C10orf105: variants seen among roughly 807,000 people sequenced by gnomAD.
The protein encoded by C10orf105 is chromosome 10 open reading frame 105.
Under a neutral mutation model 0.6 loss-of-function variants are expected in C10orf105, and 2 were observed. The ratio of observed to expected loss-of-function variants is 3.18; its 90% confidence interval spans 1.30 to 10.01. The LOEUF is 10.01. Among genes scored for constraint, C10orf105 ranks in the 30% most tolerant of loss-of-function variants. The pLI, the probability that C10orf105 is intolerant of heterozygous loss-of-function variation, is 0.04. For synonymous variants in C10orf105, 95 were observed against 82.4 expected (o/e 1.15, Z -0.83); for missense variants, 209 against 191.4 (o/e 1.09, Z -0.54).
chr10:71,712,891 C>T lies in C10orf105; in HGVS notation c.*3045G>A. 1 of 1,520,552 alleles carries T rather than the reference C, an allele frequency of 6.6e-7. No individual in the cohort carries two copies. 94.2% of individuals were successfully genotyped at this position (1,520,552 alleles called of 1,614,324 possible). A position where few individuals can be genotyped will look rare whatever the true frequency, so the allele number is the denominator to read the frequency against. On this transcript the variant is annotated 3_prime_UTR_variant, in exon 2 of 2. Coordinates refer to ENST00000441508, the MANE Select transcript of C10orf105 (RefSeq NM_001164375.3). ...ACACACGGCCCTGAGGGCACATGCT[C>T]AGTGGCACCAGAGGCGGAAGCAGGT...
intron 1 of C10orf105, among the ~76,000 whole-genome samples, chr10:71,736,253 G>A (rs1839561779): frequency 6.6e-6 from 1 of 152,222 alleles, no homozygotes; most frequent in Non-Finnish European, 1.5e-5. Context: ...AGGCTCCCAG[G>A]GGCCGCTGCC....
At chr10:71,732,833 A>T in intron 1 of C10orf105, 1 of 409,712 alleles carries the variant, frequency 2.4e-6, no homozygotes, top group Non-Finnish European at 3.4e-6. Context: ...GCAACCAATT[A>T]TCTGACTCTC....
At chr10:71,729,384 T>A (rs1866960511) in intron 1 of C10orf105, among the ~76,000 whole-genome samples, 1 of 151,916 alleles carries the variant, frequency 6.6e-6, no homozygotes, top group Non-Finnish European at 1.5e-5. Flanking sequence ...GACAGCAAAG[T>A]GTCATGGAGG....
chr10:71,712,473 G>A lies in C10orf105; in HGVS notation c.*3463C>T, dbSNP rs1407073722. On this transcript the variant is annotated 3_prime_UTR_variant, in exon 2 of 2. Coordinates refer to ENST00000441508, the MANE Select transcript of C10orf105 (RefSeq NM_001164375.3). Reference sequence around the variant, plus strand: ...TGGGTTAGAAGAATGGCTGGCACATGGTGTTATCTAAGTATTTGATACTGT... The same window carrying A: ...TGGGTTAGAAGAATGGCTGGCACATAGTGTTATCTAAGTATTTGATACTGT... The A allele has an allele frequency of 1.7e-6, 1 of 594,758 alleles. No homozygotes were observed. The highest frequency in any genetic ancestry group is 3.0e-6 in the Non-Finnish European group (1 of 334,336). 36.8% of individuals were successfully genotyped at this position (594,758 alleles called of 1,614,324 possible). A position where few individuals can be genotyped will look rare whatever the true frequency, so the allele number is the denominator to read the frequency against.
intron 1 of C10orf105, among the ~76,000 whole-genome samples, chr10:71,728,769 A>G (rs971130698): frequency 3.3e-5 from 5 of 152,176 alleles, no homozygotes; most frequent in African/African-American, 9.7e-5. Context: ...CCCAGCATAG[A>G]GCAAAGAGCT....
chr10:71,736,555 G>A (rs1487316733), intron 1 of C10orf105, among the ~76,000 whole-genome samples: 6 of 152,138 alleles, frequency 3.9e-5, no homozygotes, highest in Non-Finnish European at 8.8e-5. Flanking sequence ...TGAGGCCCTG[G>A]GTGAAGACAC....
chr10:71,727,788 A>C (rs1361291885), intron 1 of C10orf105, among the ~76,000 whole-genome samples: 1 of 152,246 alleles, frequency 6.6e-6, no homozygotes, highest in East Asian at 1.9e-4. Flanking sequence ...CTGGACAGGC[A>C]CAGCACTGGA....
intron 1 of C10orf105, chr10:71,717,760 A>C (rs964971604): frequency 3.3e-5 from 5 of 152,230 alleles, no homozygotes; most frequent in Admixed American, 2.0e-4. Context: ...GTTTCCCAAG[A>C]GAAGCCAGAA....
At chr10:71,721,694 C>T (rs7070583), upstream of C10orf105, among the ~76,000 whole-genome samples, 8,249 of 152,258 alleles carry the variant, frequency 0.054, 354 homozygotes, top group African/African-American at 0.11. Context: ...GGATGTGCAT[C>T]GAGGCCAGCG....
Position 71,714,453 on chromosome 10 carries a change from T to C in C10orf105, c.*1483A>G, listed in dbSNP as rs1203263062. ...AGAAGACATAGACAAAAAGGACCCA[T>C]GCTGCCAAGAGAATGTTCCTTTTCC... On this transcript the variant is annotated 3_prime_UTR_variant, in exon 2 of 2. Coordinates refer to ENST00000441508, the MANE Select transcript of C10orf105 (RefSeq NM_001164375.3). The C allele has an allele frequency of 6.6e-6, 1 of 152,208 alleles. No individual in the cohort carries two copies. The highest frequency in any genetic ancestry group is 6.5e-5 in the Admixed American group (1 of 15,280). 9.4% of individuals were successfully genotyped at this position (152,208 alleles called of 1,614,324 possible).
At chr10:71,733,025 A>G (rs1384167022) in intron 1 of C10orf105, among the ~76,000 whole-genome samples, 1 of 152,194 alleles carries the variant, frequency 6.6e-6, no homozygotes, top group Admixed American at 6.5e-5. Flanking sequence ...CCTCCACTTC[A>G]GCTGCCAATC....
At chr10:71,727,176 A>G (rs1156265270) in intron 1 of C10orf105, among the ~76,000 whole-genome samples, 1 of 152,182 alleles carries the variant, frequency 6.6e-6, no homozygotes, top group Non-Finnish European at 1.5e-5. Flanking sequence ...CCCCCATCTT[A>G]CAGATGACAA....
intron 1 of C10orf105, chr10:71,730,658 A>G: frequency 6.2e-7 from 1 of 1,603,574 alleles, no homozygotes; most frequent in Non-Finnish European, 8.5e-7. Context: ...AAACCTCCCC[A>G]GCTCACCCAG....
At chr10:71,737,400 T>C (rs904889872) in intron 1 of C10orf105, among the ~76,000 whole-genome samples, 4 of 152,226 alleles carry the variant, frequency 2.6e-5, no homozygotes, top group Non-Finnish European at 4.4e-5. Context: ...AGTGGTTGGG[T>C]TGGCCTAGCT....
rs866663634 is a variant in C10orf105 at position 71,713,383 on chromosome 10, C to G, written c.*2553G>C. ...CTCAGTTGCTGGGTGGGGAGGGAGG[C>G]CCGGAGTGAATGAGTCTCTTTACCA... On this transcript the variant is annotated 3_prime_UTR_variant, in exon 2 of 2. Coordinates refer to ENST00000441508, the MANE Select transcript of C10orf105 (RefSeq NM_001164375.3). The G allele has an allele frequency of 4.2e-6, 3 of 716,354 alleles. No homozygotes were observed. Among genetic ancestry groups the G allele is most frequent in the South Asian group, 1.5e-5 (1 of 66,368 alleles). The allele number at this position is 716,354 out of a possible 1,614,324, so 44.4% of individuals were successfully genotyped here.
At chr10:71,737,511 C>T (rs1198745254) in intron 1 of C10orf105, among the ~76,000 whole-genome samples, 1 of 152,216 alleles carries the variant, frequency 6.6e-6, no homozygotes, top group East Asian at 1.9e-4. Context: ...GGAAGAATGA[C>T]ATGGAATTTC....
chr10:71,735,520 A>G (rs1483263832), intron 1 of C10orf105, among the ~76,000 whole-genome samples: 4 of 152,148 alleles, frequency 2.6e-5, no homozygotes, highest in Non-Finnish European at 4.4e-5. Flanking sequence ...TCAGCCATCA[A>G]TCTGGCCTGG....
At chr10:71,736,974 G>A (rs1839584077) in intron 1 of C10orf105, among the ~76,000 whole-genome samples, 1 of 152,160 alleles carries the variant, frequency 6.6e-6, no homozygotes, top group East Asian at 1.9e-4. Context: ...AGAGCATTTC[G>A]GGCAGAGGGA....
chr10:71,728,521 T>C (rs1564761466), intron 1 of C10orf105, among the ~76,000 whole-genome samples: 1 of 152,110 alleles, frequency 6.6e-6, no homozygotes, highest in Non-Finnish European at 1.5e-5. Flanking sequence ...TCCCAGCTAA[T>C]CCCCAAAGAG....
Sources: allele counts gnomAD v4.1 joint callset (sites outside exome capture counted in the v4.1 genomes callset), GRCh38; gene constraint gnomAD v4.1.1; transcripts MANE v1.5; gene names NCBI Gene and HGNC (gene_info 2026-07-23, HGNC 2026-07-21).